The following CDH13 variants were observed in gnomAD, a reference collection of about 807,000 sequenced individuals.
CDH13 encodes the protein cadherin-13.
A neutral mutation model predicts 63.8 loss-of-function variants in CDH13; 24 were observed. The observed-to-expected ratio is 0.38, with a 90% CI of 0.27 to 0.53. The LOEUF (loss-of-function observed/expected upper bound fraction) is 0.53, where lower values mean the gene tolerates loss of function less well. CDH13 is among the 20% of genes least tolerant of loss of function. The pLI is 0.85. For synonymous variants in CDH13, 503 were observed against 355.3 expected (o/e 1.42, Z -4.67); for missense variants, 1,049 against 903.1 (o/e 1.16, Z -2.07).
chr16:82,883,375 C>G (rs1052456270), intron 2 of CDH13, among the ~76,000 whole-genome samples: 3 of 152,224 alleles, frequency 2.0e-5, no homozygotes, highest in Admixed American at 6.5e-5. Flanking sequence ...AGCTCTCACA[C>G]TTGAGTGTCT....
At chr16:82,775,139 A>G (rs2035437965) in intron 1 of CDH13, among the ~76,000 whole-genome samples, 1 of 152,184 alleles carries the variant, frequency 6.6e-6, no homozygotes, top group East Asian at 1.9e-4. Context: ...CGGCTGTCTT[A>G]TCTGTGAAAT....
At chr16:83,745,499 C>G (rs146539046) in intron 10 of CDH13, among the ~76,000 whole-genome samples, 2 of 152,286 alleles carry the variant, frequency 1.3e-5, no homozygotes, top group African/African-American at 4.8e-5. Flanking sequence ...GCTGGGAACA[C>G]TCGGAGGGGC....
At chr16:82,781,896 C>A (rs1181873671) in intron 1 of CDH13, among the ~76,000 whole-genome samples, 2 of 152,200 alleles carry the variant, frequency 1.3e-5, no homozygotes, top group East Asian at 3.8e-4. Flanking sequence ...CTACAGAGAA[C>A]TGTGCCGTGT....
intron 11 of CDH13, among the ~76,000 whole-genome samples, chr16:83,774,504 C>A (rs1211632968): frequency 6.6e-6 from 1 of 152,124 alleles, no homozygotes; most frequent in African/African-American, 2.4e-5. Flanking sequence ...TCCAGAGTAG[C>A]TGGGATTACA....
intron 8 of CDH13, among the ~76,000 whole-genome samples, chr16:83,633,607 C>G: frequency 6.6e-6 from 1 of 152,156 alleles, no homozygotes; most frequent in Non-Finnish European, 1.5e-5. Flanking sequence ...TCATTATGAT[C>G]TTACTCGGAG....
chr16:82,943,453 A>T lies in CDH13; in HGVS notation c.157+84980A>T, dbSNP rs188409494. ...GCATCCAATAGTGAAAGTTTATATG[A>T]CTCAAATGGAAGAAGAATTCATGAC... On this transcript the variant is annotated intron_variant, in intron 2 of 13. Coordinates refer to ENST00000567109, the MANE Select transcript of CDH13 (RefSeq NM_001257.5). Among the ~76,000 whole-genome samples, 632 of 152,280 alleles carry T rather than the reference A, an allele frequency of 4.2e-3. 1 individual carries two copies. The highest frequency in any genetic ancestry group is 0.014 in the African/African-American group (578 of 41,564).
intron 1 of CDH13, among the ~76,000 whole-genome samples, chr16:82,835,105 A>T (rs1269143000): frequency 6.6e-6 from 1 of 152,242 alleles, no homozygotes; most frequent in African/African-American, 2.4e-5. Flanking sequence ...TTCAAGTAGT[A>T]TCCCTGCAAC....
intron 5 of CDH13, among the ~76,000 whole-genome samples, chr16:83,291,734 A>C (rs1016600100): frequency 6.6e-6 from 1 of 151,502 alleles, no homozygotes. Flanking sequence ...GGTTAATTCA[A>C]CTCCAGCTTG....
At chr16:83,621,351 T>G (rs7198263) in intron 8 of CDH13, among the ~76,000 whole-genome samples, 57,400 of 151,846 alleles carry the variant, frequency 0.38, 11,707 homozygotes, top group South Asian at 0.48. Context: ...ATCCTGTTTT[T>G]CTTGTTACAC....
chr16:83,106,181 A>G (rs1237981211), intron 3 of CDH13, among the ~76,000 whole-genome samples: 1 of 152,240 alleles, frequency 6.6e-6, no homozygotes, highest in African/African-American at 2.4e-5. Context: ...AAAGCAAATG[A>G]AACTCTACCT....
At chr16:83,164,433 G>C (rs2037575797) in intron 4 of CDH13, among the ~76,000 whole-genome samples, 1 of 151,990 alleles carries the variant, frequency 6.6e-6, no homozygotes, top group South Asian at 2.1e-4. Context: ...TGAAAAACTA[G>C]AGTGTCTAAG....
At chr16:83,328,741 G>A (rs540186421) in intron 5 of CDH13, among the ~76,000 whole-genome samples, 2 of 152,132 alleles carry the variant, frequency 1.3e-5, no homozygotes, top group Admixed American at 6.6e-5. Flanking sequence ...CTGTTAGCAG[G>A]CTTTAGGCTT....
In CDH13 at chr16:83,423,745, T is replaced by A. The variant is rs1318694028; in HGVS notation, c.782-62732T>A. ...AATAAATATGTAGGATCAAAACATG[T>A]GTTTCTGGTTGTGGGGACTGCAAGA... is the stretch of plus-strand genomic sequence containing the variant. On this transcript the variant is annotated intron_variant, in intron 6 of 13. Transcript: ENST00000567109. Among the ~76,000 whole-genome samples the A allele has an allele frequency of 3.9e-5, 6 of 152,226 alleles. No individual in the cohort carries two copies. The East Asian group carries it at 1.2e-3, about 29-fold the overall frequency.
At chr16:83,359,571 C>T (rs760061341) in intron 6 of CDH13, among the ~76,000 whole-genome samples, 2 of 152,160 alleles carry the variant, frequency 1.3e-5, no homozygotes, top group African/African-American at 2.4e-5. Flanking sequence ...CCTCTATTTC[C>T]TCTACTGAAT....
intron 10 of CDH13, among the ~76,000 whole-genome samples, chr16:83,716,205 C>G (rs947790690): frequency 3.3e-5 from 5 of 152,042 alleles, no homozygotes; most frequent in African/African-American, 1.2e-4. Flanking sequence ...CACAGCCTCC[C>G]CCATAATCAA....
chr16:83,196,013 T>A (rs1317798433), intron 4 of CDH13, among the ~76,000 whole-genome samples: 1 of 152,168 alleles, frequency 6.6e-6, no homozygotes, highest in East Asian at 1.9e-4. Context: ...CCCAGCACTT[T>A]GGGAGGCCGA....
chr16:83,238,443 C>A (rs915894684), intron 5 of CDH13, among the ~76,000 whole-genome samples: 3 of 152,144 alleles, frequency 2.0e-5, no homozygotes, highest in African/African-American at 7.2e-5. Flanking sequence ...CAATTACCTC[C>A]CACCAGGTCA....
chr16:82,771,578 C>T (rs528723461), intron 1 of CDH13, among the ~76,000 whole-genome samples: 6 of 152,296 alleles, frequency 3.9e-5, no homozygotes, highest in African/African-American at 7.2e-5. Context: ...AACGGAGGCT[C>T]GGAGAGTTTC....
chr16:83,663,630 TC>T (rs1386284121), intron 8 of CDH13, among the ~76,000 whole-genome samples: 2 of 152,184 alleles, frequency 1.3e-5, no homozygotes, highest in Admixed American at 1.3e-4. Context: ...GAGACATGAC[TC>T]CGACTCTTCA....
Sources: gnomAD v4.1 joint callset for allele counts (sites outside exome capture counted in the v4.1 genomes callset) on GRCh38, gnomAD v4.1.1 for gene constraint, MANE v1.5 for transcripts, NCBI Gene and HGNC (gene_info 2026-07-23, HGNC 2026-07-21) for gene names.